The following PDE4B variants were observed in gnomAD, a reference collection of about 807,000 sequenced individuals.
The protein encoded by PDE4B is 3',5'-cyclic-AMP phosphodiesterase 4B.
PDE4B carries 20 observed loss-of-function variants against 82.2 expected under a neutral mutation model. That is an observed-to-expected ratio of 0.24 (90% CI 0.17 to 0.35). PDE4B has a LOEUF of 0.35. Among genes scored for constraint, PDE4B ranks in the 10% least tolerant of loss-of-function variants. The probability of loss-of-function intolerance (pLI) is 1.00; values close to 1 mark genes in which losing one functional copy is unlikely to be tolerated. For missense variants in PDE4B, 655 were observed against 907.2 expected (o/e 0.72, Z 3.57); for synonymous variants, 320 against 318.9 (o/e 1.00, Z -0.04).
At position 66,235,172 on chromosome 1, in the gene PDE4B, C is replaced by T. The variant is rs181136737; in HGVS notation, c.282-12288C>T. On this transcript the variant is annotated intron_variant, in intron 3 of 16. Transcript: ENST00000341517. The stretch of plus-strand genomic sequence containing the variant: ...TTGAGACTTGTTTTATAGACTAGAA[C>T]GTCAGCTATTTTGGTGACGTTTCAC... Among the ~76,000 whole-genome samples, 42 of 152,230 alleles carry T rather than the reference C, an allele frequency of 2.8e-4. No individual in the cohort carries two copies. In the East Asian group the frequency reaches 6.2e-3, roughly 22 times the overall value.
intron 9 of PDE4B, among the ~76,000 whole-genome samples, chr1:66,358,836 G>A (rs1662518833): frequency 6.6e-6 from 1 of 152,172 alleles, no homozygotes. Context: ...TTAAAAATGT[G>A]TCATCCAGGG....
intron 6 of PDE4B, among the ~76,000 whole-genome samples, chr1:66,264,058 A>G (rs970716443): frequency 5.9e-5 from 9 of 152,216 alleles, no homozygotes; most frequent in African/African-American, 2.2e-4. Context: ...TAATGTTTAC[A>G]TTTAATCAAA....
At chr1:66,251,259 A>G (rs76998100) in intron 4 of PDE4B, among the ~76,000 whole-genome samples, 2 of 152,210 alleles carry the variant, frequency 1.3e-5, no homozygotes, top group African/African-American at 4.8e-5. Context: ...GGTAGGTACT[A>G]TAACTTTCTT....
intron 3 of PDE4B, among the ~76,000 whole-genome samples, chr1:66,200,437 A>G (rs890970338): frequency 3.9e-5 from 6 of 152,180 alleles, no homozygotes; most frequent in Non-Finnish European, 8.8e-5. Flanking sequence ...TACCTTGGGC[A>G]GTATGGCCAT....
In PDE4B at chr1:66,201,631, G is replaced by A. The variant is rs541305541; in HGVS notation, c.282-45829G>A. Reference sequence around the variant, plus strand: ...CTTCTAGATTTTCTAGTTTATTTGCGTAGAGGTGTTTGTAGTATTCTCTGA... The same window carrying A: ...CTTCTAGATTTTCTAGTTTATTTGCATAGAGGTGTTTGTAGTATTCTCTGA... On this transcript the variant is annotated intron_variant, in intron 3 of 16. Transcript: ENST00000341517. Among the ~76,000 whole-genome samples, 191 of 149,306 alleles carry A rather than the reference G, an allele frequency of 1.3e-3. 4 individuals are homozygous for A. In the East Asian group the frequency reaches 0.026, roughly 20 times the overall value.
intron 3 of PDE4B, among the ~76,000 whole-genome samples, chr1:66,211,600 C>G (rs938979321): frequency 6.6e-6 from 1 of 152,072 alleles, no homozygotes; most frequent in Non-Finnish European, 1.5e-5. Context: ...TCTATGCATG[C>G]ATCATCTCAT....
chr1:66,001,571 G>C (rs1353935159), intron 3 of PDE4B, among the ~76,000 whole-genome samples: 1 of 151,962 alleles, frequency 6.6e-6, no homozygotes. Flanking sequence ...ATCAAAATTT[G>C]GATTTCCAGT....
chr1:66,228,989 A>G (rs115299011), intron 3 of PDE4B, among the ~76,000 whole-genome samples: 3,003 of 145,980 alleles, frequency 0.021, 39 homozygotes, highest in Middle Eastern at 0.059. Flanking sequence ...CTGACCTAAT[A>G]TTGGGGAAGG....
At chr1:66,268,654 C>A (rs1215408204) in intron 7 of PDE4B, among the ~76,000 whole-genome samples, 1 of 98,496 alleles carries the variant, frequency 1.0e-5, no homozygotes, top group East Asian at 3.2e-4. Context: ...GGTGACAGAG[C>A]AAGACTCCAT....
chr1:66,361,498 C>T (rs1384465529), intron 9 of PDE4B, 117 bp from the exon 10 acceptor site: 1 of 757,914 alleles, frequency 1.3e-6, no homozygotes, highest in East Asian at 2.5e-5. Context: ...AATAGTGCTA[C>T]AAGATTTTAT....
intron 1 of PDE4B, among the ~76,000 whole-genome samples, chr1:65,870,658 C>A (rs1251503022): frequency 1.3e-5 from 2 of 151,956 alleles, no homozygotes; most frequent in Non-Finnish European, 1.5e-5. Flanking sequence ...CACCAAGAAC[C>A]AAAGTTTTTA....
intron 3 of PDE4B, among the ~76,000 whole-genome samples, chr1:65,952,769 C>T (rs1315795959): frequency 1.3e-5 from 2 of 152,038 alleles, no homozygotes; most frequent in Non-Finnish European, 2.9e-5. Flanking sequence ...TTCACTCAAC[C>T]ACGTTGATAG....
intron 3 of PDE4B, among the ~76,000 whole-genome samples, chr1:66,149,838 G>A (rs1237370379): frequency 6.6e-6 from 1 of 152,126 alleles, no homozygotes; most frequent in Non-Finnish European, 1.5e-5. Context: ...GGGTGACACA[G>A]CAATACCCTG....
intron 1 of PDE4B, among the ~76,000 whole-genome samples, chr1:65,874,138 T>C (rs1185916777): frequency 1.3e-5 from 2 of 151,988 alleles, no homozygotes; most frequent in Non-Finnish European, 2.9e-5. Flanking sequence ...TTCACATCCC[T>C]TGTAAGTTAG....
intron 1 of PDE4B, among the ~76,000 whole-genome samples, chr1:65,837,690 G>A (rs1476448843): frequency 2.0e-5 from 3 of 152,110 alleles, no homozygotes; most frequent in Non-Finnish European, 4.4e-5. Flanking sequence ...GAAAGCTGAC[G>A]AACAACCTTA....
chr1:65,886,202 A>C (rs1646774467), intron 1 of PDE4B, among the ~76,000 whole-genome samples: 1 of 152,108 alleles, frequency 6.6e-6, no homozygotes, highest in Non-Finnish European at 1.5e-5. Flanking sequence ...ATGCTTTGTA[A>C]ACTAGAAAAT....
intron 1 of PDE4B, among the ~76,000 whole-genome samples, chr1:65,809,831 T>TC (rs1645799629): frequency 6.6e-6 from 1 of 152,248 alleles, no homozygotes; most frequent in East Asian, 1.9e-4. Flanking sequence ...TCAGAGATGG[T>TC]CATAAAAGCA....
chr1:66,109,477 T>G (rs1260554350), intron 3 of PDE4B, among the ~76,000 whole-genome samples: 3 of 59,040 alleles, frequency 5.1e-5, no homozygotes, highest in Non-Finnish European at 1.8e-4. Flanking sequence ...GGAAAACAAT[T>G]TAAAAAAAAA....
chr1:65,998,741 C>T (rs1651694264), intron 3 of PDE4B, among the ~76,000 whole-genome samples: 1 of 151,996 alleles, frequency 6.6e-6, no homozygotes, highest in African/African-American at 2.4e-5. Context: ...ACAATACCCC[C>T]ACATGCATCA....
Sources: gnomAD v4.1 joint callset for allele counts (sites outside exome capture counted in the v4.1 genomes callset) on GRCh38, gnomAD v4.1.1 for gene constraint, MANE v1.5 for transcripts, NCBI Gene and HGNC (gene_info 2026-07-23, HGNC 2026-07-21) for gene names.